LRP2: variants seen among roughly 807,000 people sequenced by gnomAD.
The protein encoded by LRP2 is low-density lipoprotein receptor-related protein 2.
A neutral mutation model predicts 531.0 loss-of-function variants in LRP2; 172 were observed. That is an observed-to-expected ratio of 0.32 (90% CI 0.29 to 0.37). The LOEUF (loss-of-function observed/expected upper bound fraction) is 0.37, where lower values mean the gene tolerates loss of function less well. Among genes scored for constraint, LRP2 ranks in the 10% least tolerant of loss-of-function variants. The probability of loss-of-function intolerance (pLI) is 1.00; values close to 1 mark genes in which losing one functional copy is unlikely to be tolerated. For synonymous variants in LRP2, 1,992 were observed against 2,027.6 expected (o/e 0.98, Z 0.47); for missense variants, 5,167 against 5,868.3 (o/e 0.88, Z 3.90).
intron 13 of LRP2, among the ~76,000 whole-genome samples, chr2:169,277,003 T>C (rs1395280976): frequency 1.3e-5 from 2 of 152,002 alleles, no homozygotes; most frequent in Admixed American, 1.3e-4. Flanking sequence ...GGGACCAGCC[T>C]GGGAAACACG....
intron 68 of LRP2, among the ~76,000 whole-genome samples, chr2:169,149,003 C>T (rs1008585171): frequency 6.6e-6 from 1 of 152,156 alleles, no homozygotes; most frequent in Non-Finnish European, 1.5e-5. Context: ...TCCCTGAACC[C>T]TTGTAAGGTA....
intron 3 of LRP2, 47 bp from the exon 4 acceptor site, chr2:169,307,444 A>C (rs777451437): frequency 9.2e-7 from 1 of 1,083,398 alleles, no homozygotes; most frequent in African/African-American, 1.6e-5. Flanking sequence ...ATTGCTAGAC[A>C]CAGACTAATC....
chr2:169,175,915 C>T (rs899911455), intron 54 of LRP2, among the ~76,000 whole-genome samples: 1 of 152,160 alleles, frequency 6.6e-6, no homozygotes, highest in Non-Finnish European at 1.5e-5. Context: ...AACTCAGGTC[C>T]CCTAGTTATC....
At chr2:169,317,379 T>C (rs1028317005) in intron 3 of LRP2, among the ~76,000 whole-genome samples, 1 of 152,210 alleles carries the variant, frequency 6.6e-6, no homozygotes, top group Non-Finnish European at 1.5e-5. Flanking sequence ...ATTTAGTATC[T>C]ATCTATTAAG....
chr2:169,214,602 T>A (rs1176407927), intron 35 of LRP2, among the ~76,000 whole-genome samples: 1 of 152,272 alleles, frequency 6.6e-6, no homozygotes, highest in East Asian at 1.9e-4. Context: ...CAAGAGTGGT[T>A]ATGCTGATGA....
intron 16 of LRP2, among the ~76,000 whole-genome samples, chr2:169,264,535 T>C (rs1220882468): frequency 7.2e-5 from 11 of 152,066 alleles, no homozygotes; most frequent in Admixed American, 1.3e-4. Flanking sequence ...CAAACATGTT[T>C]ATCTCCTCTT....
At chr2:169,137,281 C>CTATG in intron 76 of LRP2, 111 bp downstream of exon 76, 2 of 843,544 alleles carry the variant, frequency 2.4e-6, no homozygotes, top group South Asian at 2.7e-5. Context: ...GGACCACTCA[C>CTATG]TATGCTTCCT....
At position 169,241,171 on chromosome 2, in the gene LRP2, A is replaced by T; in HGVS notation, c.3862T>A (p.Trp1288Arg). The change falls in exon 25 of 79, where the codon TGG becomes AGG. Residue 1288 changes from tryptophan to arginine, a missense_variant. Trp to Arg is a moderately radical substitution (Grantham distance 101). This residue lies in a region of LRP2 where 2,811 missense variants were observed against 3,058.0 expected (regional missense o/e 0.92). Transcript: ENST00000649046. ...CDNGNCIHRA[W>R]LCDRDNDCGD... ...CAGTCATTGTCCCGATCACAGAGCC[A>T]TGCCCTGTGGATGCAGTTTCCGTTG... The T allele has an allele frequency of 6.2e-7, 1 of 1,614,152 alleles. No individual in the cohort carries two copies. Among genetic ancestry groups the T allele is most frequent in the Non-Finnish European group, 8.5e-7 (1 of 1,179,992 alleles).
chr2:169,202,158 A>G (rs1688224250), intron 43 of LRP2, among the ~76,000 whole-genome samples: 2 of 152,184 alleles, frequency 1.3e-5, no homozygotes, highest in African/African-American at 4.8e-5. Flanking sequence ...CACAAAAAGC[A>G]TGCAATTATA....
intron 1 of LRP2, among the ~76,000 whole-genome samples, chr2:169,348,153 A>G (rs943262953): frequency 6.6e-6 from 1 of 152,238 alleles, no homozygotes; most frequent in Non-Finnish European, 1.5e-5. Context: ...ACTAATACCT[A>G]CAAAACACTT....
intron 16 of LRP2, among the ~76,000 whole-genome samples, chr2:169,270,207 A>T (rs1490836551): frequency 1.3e-5 from 2 of 152,222 alleles, no homozygotes; most frequent in Non-Finnish European, 2.9e-5. Flanking sequence ...GAGATTCCTC[A>T]GGGATCTAGA....
Position 169,237,171 on chromosome 2 carries a change from G to A in LRP2, c.4623C>T (p.Ser1541=). 1 of 1,613,914 alleles carries A rather than the reference G, an allele frequency of 6.2e-7. No homozygotes were observed. The highest frequency in any genetic ancestry group is 1.1e-5 in the South Asian group (1 of 91,084). The part of the protein sequence containing the change: ...ETIEVSKIDG[S]HRTVLISKNL... The stretch of plus-strand genomic sequence containing the variant: ...TTTTACTAATCAGCACAGTCCTGTG[G>A]CTCCCATCAATTTTGGAGACTTCAA... Residue 1541 remains serine (S), a synonymous_variant, in exon 28 of 79, where the codon AGC becomes AGT. Coordinates refer to ENST00000649046, the MANE Select transcript of LRP2 (RefSeq NM_004525.3).
intron 13 of LRP2, among the ~76,000 whole-genome samples, chr2:169,275,616 T>C (rs1683531663): frequency 1.3e-5 from 2 of 152,180 alleles, no homozygotes; most frequent in African/African-American, 4.8e-5. Context: ...ACCAAGACTT[T>C]GGAAGTCTGG....
At chr2:169,162,359 CA>C in intron 63 of LRP2, 112 bp downstream of exon 63, 1 of 1,297,346 alleles carries the variant, frequency 7.7e-7, no homozygotes, top group Admixed American at 1.7e-5. Context: ...GGAATTCAAG[CA>C]AAAAGTACAT....
At chr2:169,292,999 C>T (rs771916643) in intron 6 of LRP2, among the ~76,000 whole-genome samples, 3 of 152,142 alleles carry the variant, frequency 2.0e-5, no homozygotes, top group Non-Finnish European at 4.4e-5. Context: ...GATTCTGAGT[C>T]GACCATTCCA....
rs1282759472 is a variant in LRP2 at position 169,362,490 on chromosome 2, T to G, written c.-91A>C. On this transcript the variant is annotated 5_prime_UTR_variant, in exon 1 of 79. Coordinates refer to ENST00000649046, the MANE Select transcript of LRP2 (RefSeq NM_004525.3). ...CGGCAGCGCCTCTGCTAGCGAACGC[T>G]CCTTTAGGTCTGCACCTCCGCCAGC... is the stretch of plus-strand genomic sequence containing the variant. The G allele has an allele frequency of 8.7e-7, 1 of 1,145,744 alleles. No individual in the cohort carries two copies. The highest frequency in any genetic ancestry group is 2.0e-5 in the Admixed American group (1 of 50,314). The allele number at this position is 1,145,744 out of a possible 1,614,324, so 71.0% of individuals were successfully genotyped here.
intron 76 of LRP2, among the ~76,000 whole-genome samples, chr2:169,136,071 T>A (rs930186850): frequency 1.3e-5 from 2 of 152,188 alleles, no homozygotes; most frequent in Non-Finnish European, 2.9e-5. Context: ...CAATTCTTAG[T>A]CCTTTAATAC....
At chr2:169,240,407 G>A (rs1689762282) in intron 25 of LRP2, among the ~76,000 whole-genome samples, 2 of 152,178 alleles carry the variant, frequency 1.3e-5, no homozygotes, top group Admixed American at 1.3e-4. Flanking sequence ...CACAGAACAT[G>A]CGTTAGAAAG....
intron 33 of LRP2, among the ~76,000 whole-genome samples, 189 bp from the exon 34 acceptor site, chr2:169,220,752 T>C (rs1688963578): frequency 6.6e-6 from 1 of 152,012 alleles, no homozygotes; most frequent in African/African-American, 2.4e-5. Flanking sequence ...CAATAGAAAA[T>C]GAGAGTAAGA....
Sources: allele counts gnomAD v4.1 joint callset (sites outside exome capture counted in the v4.1 genomes callset), GRCh38; gene constraint gnomAD v4.1.1; regional missense constraint gnomAD v4.1.1; transcripts MANE v1.5; gene names NCBI Gene and HGNC (gene_info 2026-07-23, HGNC 2026-07-21).